CAPSL: variants seen among roughly 807,000 people sequenced by gnomAD.
CAPSL encodes the protein calcyphosine like, also known as calcyphosin-like protein.
In CAPSL, 17 loss-of-function variants were observed where a neutral mutation model predicts 21.3. The observed-to-expected ratio is 0.80, with a 90% confidence interval of 0.55 to 1.20. The LOEUF is 1.20. Ranked by LOEUF, CAPSL falls within the 50% of genes most tolerant of loss-of-function variation. The probability of loss-of-function intolerance (pLI) is 0.00; values close to 1 mark genes in which losing one functional copy is unlikely to be tolerated. For missense variants in CAPSL, 289 were observed against 259.3 expected (o/e 1.11, Z -0.79); for synonymous variants, 102 against 89.3 (o/e 1.14, Z -0.80).
rs565886468 is a variant in CAPSL, at chr5:35,909,904, G to T, written c.487C>A (p.Leu163Met). The T allele has an allele frequency of 2.5e-5, 41 of 1,613,594 alleles. 1 individual carries two copies. The South Asian group carries it at 3.9e-4, about 15-fold the overall frequency. ...TCATAGGGTGAATCAAAGTTATCCA[G>T]AAATTTCCTAAATACTTGTTCCTCA... Reference protein sequence around the residue: ...WSEEQVFRKFLDNFDSPYDKD... With the variant: ...WSEEQVFRKFMDNFDSPYDKD... Residue 163 changes from leucine to methionine, a missense_variant, in exon 4 of 5, where the codon CTG becomes ATG. Coordinates refer to ENST00000651391, the MANE Select transcript of CAPSL (RefSeq NM_001042625.2).
At chr5:35,932,748 A>G (rs956743474) in intron 1 of CAPSL, among the ~76,000 whole-genome samples, 2 of 152,326 alleles carry the variant, frequency 1.3e-5, no homozygotes, top group African/African-American at 4.8e-5. Context: ...TTCTAAACAT[A>G]TGGAGCAACC....
intron 1 of CAPSL, among the ~76,000 whole-genome samples, chr5:35,937,737 T>A (rs1738989078): frequency 6.6e-6 from 1 of 151,812 alleles, no homozygotes; most frequent in Non-Finnish European, 1.5e-5. Context: ...TTTATCAGAA[T>A]ATAAATACAA....
At chr5:35,907,207 G>A (rs1760697688) in intron 4 of CAPSL, among the ~76,000 whole-genome samples, 1 of 152,226 alleles carries the variant, frequency 6.6e-6, no homozygotes, top group Admixed American at 6.5e-5. Context: ...GGTAATGGAA[G>A]TCACAATACA....
chr5:35,934,085 G>T (rs150833517), intron 1 of CAPSL, among the ~76,000 whole-genome samples: 218 of 152,304 alleles, frequency 1.4e-3, no homozygotes, highest in Middle Eastern at 0.014. Context: ...AACTGCTCTT[G>T]TGAACCTTGA....
At chr5:35,906,686 G>A (rs1419264074) in intron 4 of CAPSL, among the ~76,000 whole-genome samples, 1 of 152,162 alleles carries the variant, frequency 6.6e-6, no homozygotes, top group Non-Finnish European at 1.5e-5. Context: ...CCTATTTCTT[G>A]CAATTGAAAG....
intron 2 of CAPSL, among the ~76,000 whole-genome samples, chr5:35,916,529 G>C (rs549111502): frequency 0.018 from 2,806 of 152,196 alleles, 87 homozygotes; most frequent in African/African-American, 0.064. Flanking sequence ...TAGACCAATG[G>C]AACAGAACAG....
chr5:35,912,118 A>T (rs895135349), intron 2 of CAPSL, among the ~76,000 whole-genome samples: 11 of 152,186 alleles, frequency 7.2e-5, no homozygotes, highest in Non-Finnish European at 1.3e-4. Context: ...CATTGCCAGC[A>T]CAGCAGTCTG....
chr5:35,931,048 T>C (rs533460139), intron 1 of CAPSL, among the ~76,000 whole-genome samples: 11 of 152,216 alleles, frequency 7.2e-5, no homozygotes, highest in Non-Finnish European at 1.3e-4. Context: ...TGAACTAATG[T>C]TGGCAACTTC....
intron 1 of CAPSL, among the ~76,000 whole-genome samples, chr5:35,928,406 ACT>A (rs1738737545): frequency 6.6e-6 from 1 of 152,000 alleles, no homozygotes; most frequent in Admixed American, 6.5e-5. Flanking sequence ...GAAATTGAAG[ACT>A]CTGACAGTTT....
At position 35,921,025 on chromosome 5, in the gene CAPSL, C is replaced by T; in HGVS notation, c.96G>A (p.Gln32=). 1.2e-6 allele frequency: 2 copies of T among 1,614,176 alleles called. No individual in the cohort carries two copies. Among genetic ancestry groups the T allele is most frequent in the Non-Finnish European group, 1.7e-6 (2 of 1,180,032 alleles). ...ATDPIERLRL[Q]CLARGSAGIK... is the part of the protein sequence containing the mutation. ...TCCCAGCAGAGCCCCTGGCCAGGCACTGCAGTCGGAGTCTTTCAATGGGGT... is the reference window on the plus strand; with the variant it reads ...TCCCAGCAGAGCCCCTGGCCAGGCATTGCAGTCGGAGTCTTTCAATGGGGT... The change falls in exon 2 of 5, where the codon CAG becomes CAA. Residue 32 remains glutamine (Q), a synonymous_variant. Transcript: ENST00000651391.
chr5:35,929,103 T>G (rs1453573586), intron 1 of CAPSL, among the ~76,000 whole-genome samples: 1 of 152,046 alleles, frequency 6.6e-6, no homozygotes, highest in Non-Finnish European at 1.5e-5. Context: ...GTAACTATGC[T>G]GGGGGCCAAG....
At chr5:35,931,539 T>A (rs1041480249) in intron 1 of CAPSL, among the ~76,000 whole-genome samples, 1 of 152,128 alleles carries the variant, frequency 6.6e-6, no homozygotes, top group African/African-American at 2.4e-5. Context: ...GCATTCACTC[T>A]CCTAATAGCT....
intron 1 of CAPSL, among the ~76,000 whole-genome samples, chr5:35,923,886 T>G (rs1738601524): frequency 6.6e-6 from 1 of 152,210 alleles, no homozygotes; most frequent in African/African-American, 2.4e-5. Flanking sequence ...CTAATTTATG[T>G]TATGTGTATT....
At chr5:35,924,330 G>A (rs995145220) in intron 1 of CAPSL, among the ~76,000 whole-genome samples, 6 of 152,146 alleles carry the variant, frequency 3.9e-5, no homozygotes, top group Non-Finnish European at 7.3e-5. Flanking sequence ...CAAAACAGAC[G>A]GCTTCTGATT....
chr5:35,937,287 G>T (rs1034249931), intron 1 of CAPSL, among the ~76,000 whole-genome samples: 9 of 152,170 alleles, frequency 5.9e-5, no homozygotes, highest in African/African-American at 2.2e-4. Context: ...GTCCCCCATT[G>T]CATACAGGTA....
At chr5:35,914,899 C>T (rs1043241656) in intron 2 of CAPSL, among the ~76,000 whole-genome samples, 4 of 151,988 alleles carry the variant, frequency 2.6e-5, no homozygotes, top group Non-Finnish European at 5.9e-5. Flanking sequence ...AAAAACTCTT[C>T]AAAAAATCAT....
chr5:35,931,620 A>T (rs1032680809), intron 1 of CAPSL, among the ~76,000 whole-genome samples: 2 of 152,118 alleles, frequency 1.3e-5, no homozygotes, highest in Non-Finnish European at 2.9e-5. Flanking sequence ...GGTTTTTACA[A>T]AGAAATAACT....
chr5:35,905,026 T>C (rs1289431603), intron 4 of CAPSL, among the ~76,000 whole-genome samples: 1 of 152,192 alleles, frequency 6.6e-6, no homozygotes, highest in Non-Finnish European at 1.5e-5. Context: ...ACATGTCATG[T>C]CCTTGTGTCA....
chr5:35,929,602 T>C (rs1738771026), intron 1 of CAPSL, among the ~76,000 whole-genome samples: 1 of 152,168 alleles, frequency 6.6e-6, no homozygotes, highest in African/African-American at 2.4e-5. Context: ...AAAACAGTTC[T>C]AAGTCACTGC....
Sources: allele counts gnomAD v4.1 joint callset (sites outside exome capture counted in the v4.1 genomes callset), GRCh38; gene constraint gnomAD v4.1.1; transcripts MANE v1.5; gene names NCBI Gene and HGNC (gene_info 2026-07-23, HGNC 2026-07-21).